LARP1B: variants seen among roughly 807,000 people sequenced by gnomAD.
LARP1B encodes the protein la-related protein 1B.
LARP1B carries 76 observed loss-of-function variants against 114.2 expected under a neutral mutation model. The ratio of observed to expected loss-of-function variants is 0.67; its 90% CI spans 0.55 to 0.81. The LOEUF (loss-of-function observed/expected upper bound fraction) is 0.81. Ranked by LOEUF, LARP1B falls within the 30% of genes least tolerant of loss-of-function variation. The probability of loss-of-function intolerance (pLI) is 0.00; values close to 1 mark genes in which losing one functional copy is unlikely to be tolerated. For missense variants in LARP1B, 1,014 were observed against 1,075.8 expected, an observed-to-expected ratio of 0.94 and a Z score of 0.80; for synonymous variants, 345 against 348.0, an observed-to-expected ratio of 0.99 and a Z score of 0.10.
chr4:128,069,041 A>G (rs550572546), intron 1 of LARP1B: 14 of 955,084 alleles, frequency 1.5e-5, no homozygotes, highest in East Asian at 2.5e-5. Context: ...GCTGGAGAGT[A>G]TTGCGCCTTC....
chr4:128,104,431 A>G (rs1179551873), intron 8 of LARP1B, among the ~76,000 whole-genome samples: 1 of 152,012 alleles, frequency 6.6e-6, no homozygotes, highest in African/African-American at 2.4e-5. Context: ...CAGTTAATCA[A>G]TCTTTCTTTT....
intron 8 of LARP1B, among the ~76,000 whole-genome samples, chr4:128,100,789 C>T (rs1338073756): frequency 1.3e-5 from 2 of 150,368 alleles, no homozygotes; most frequent in African/African-American, 2.4e-5. Context: ...TTTGTCTTTT[C>T]ATTTTCTTTT....
intron 8 of LARP1B, among the ~76,000 whole-genome samples, chr4:128,101,045 C>A (rs572971894): frequency 2.0e-5 from 3 of 150,956 alleles, no homozygotes; most frequent in South Asian, 4.2e-4. Context: ...TCTCGAACTT[C>A]TATCTCAGGT....
intron 5 of LARP1B, 82 bp downstream of exon 5, chr4:128,082,387 C>A: frequency 7.9e-7 from 1 of 1,259,956 alleles, no homozygotes; most frequent in Non-Finnish European, 1.1e-6. Flanking sequence ...CATGTATAAA[C>A]CATTTGAGAA....
intron 11 of LARP1B, among the ~76,000 whole-genome samples, chr4:128,139,834 C>T (rs1227315815): frequency 6.6e-6 from 1 of 151,826 alleles, no homozygotes; most frequent in Admixed American, 6.6e-5. Context: ...GTTAAGACAT[C>T]AGATGGTAAG....
intron 13 of LARP1B, among the ~76,000 whole-genome samples, chr4:128,177,722 T>A (rs1746832838): frequency 6.6e-6 from 1 of 151,966 alleles, no homozygotes; most frequent in Admixed American, 6.6e-5. Context: ...CTGGTGAGAG[T>A]GTAAGTTGGT....
At chr4:128,136,512 T>C (rs73848735) in intron 11 of LARP1B, among the ~76,000 whole-genome samples, 2,018 of 152,256 alleles carry the variant, frequency 0.013, 51 homozygotes, top group African/African-American at 0.046. Flanking sequence ...GCTTCAAATA[T>C]ATGAAACAAA....
chr4:128,211,709 A>T lies in LARP1B; in HGVS notation c.*1656A>T, dbSNP rs1369108787. ...TATTAGCTTTAAATGGTCTCTTGAA[A>T]TGATCATAAATTTTTCTCAGTGTCC... On this transcript the variant is annotated 3_prime_UTR_variant, in exon 20 of 20. Transcript: ENST00000326639. 1 of 985,026 alleles carries T rather than the reference A, an allele frequency of 1.0e-6. No homozygotes were observed. Among genetic ancestry groups the T allele is most frequent in the East Asian group, 1.1e-4 (1 of 8,832 alleles). 61.0% of individuals were successfully genotyped at this position (985,026 alleles called of 1,614,324 possible). A position where few individuals can be genotyped will look rare whatever the true frequency, so the allele number is the denominator to read the frequency against.
chr4:128,157,140 A>G (rs1736160730), intron 11 of LARP1B, among the ~76,000 whole-genome samples: 1 of 152,112 alleles, frequency 6.6e-6, no homozygotes, highest in Non-Finnish European at 1.5e-5. Flanking sequence ...TAATAAGTTA[A>G]AAAATAAAAG....
intron 3 of LARP1B, among the ~76,000 whole-genome samples, chr4:128,077,357 C>T (rs1318472157): frequency 6.6e-6 from 1 of 151,750 alleles, no homozygotes; most frequent in Non-Finnish European, 1.5e-5. Flanking sequence ...AAGAGTTAGC[C>T]AGGTGTGGTG....
chr4:128,189,617 CTTTG>C (rs1174305100), intron 15 of LARP1B, among the ~76,000 whole-genome samples: 1 of 151,870 alleles, frequency 6.6e-6, no homozygotes, highest in Admixed American at 6.6e-5. Flanking sequence ...TTCTTACTGC[CTTTG>C]TTTGTGATTA....
intron 8 of LARP1B, among the ~76,000 whole-genome samples, chr4:128,101,511 A>G (rs1002865518): frequency 3.3e-5 from 5 of 152,012 alleles, no homozygotes; most frequent in Admixed American, 3.3e-4. Flanking sequence ...GCATTTGTTT[A>G]TAGATAAGTA....
intron 18 of LARP1B, chr4:128,206,900 T>G (rs1757760976): frequency 1.1e-6 from 1 of 901,990 alleles, no homozygotes; most frequent in African/African-American, 1.8e-5. Context: ...TGGGACAGAC[T>G]GCTAGGTGCA....
At chr4:128,180,152 C>G (rs1747854198) in intron 15 of LARP1B, among the ~76,000 whole-genome samples, 1 of 152,062 alleles carries the variant, frequency 6.6e-6, no homozygotes, top group Non-Finnish European at 1.5e-5. Flanking sequence ...GAATCTTGCT[C>G]TGTTACCTAG....
chr4:128,197,958 C>T (rs1489861609), intron 15 of LARP1B, among the ~76,000 whole-genome samples: 1 of 135,896 alleles, frequency 7.4e-6, no homozygotes, highest in East Asian at 2.5e-4. Context: ...GATCTCTGCT[C>T]ACTGCAACCT....
At chr4:128,148,152 TG>T (rs1731138271) in intron 11 of LARP1B, among the ~76,000 whole-genome samples, 1 of 152,156 alleles carries the variant, frequency 6.6e-6, no homozygotes, top group Non-Finnish European at 1.5e-5. Flanking sequence ...CATCTAAAGC[TG>T]GGCGCGGTGG....
chr4:128,090,983 T>A lies in LARP1B; in HGVS notation c.359-18T>A. 1 of 1,550,666 alleles carries A rather than the reference T, an allele frequency of 6.4e-7. No homozygotes were observed. The highest frequency in any genetic ancestry group is 8.8e-7 in the Non-Finnish European group (1 of 1,136,514). ...CTTGGCAAATCGAAGTATATAAAAA[T>A]ATTTTTATTTTTAAAAGGTTGGAAG... On this transcript the variant is annotated intron_variant, in intron 5 of 19. Transcript: ENST00000326639.
chr4:128,152,769 C>A (rs1317408436), intron 11 of LARP1B, among the ~76,000 whole-genome samples: 3 of 151,800 alleles, frequency 2.0e-5, no homozygotes, highest in East Asian at 1.9e-4. Flanking sequence ...TTCAGAATAT[C>A]TCAAACCTAG....
intron 6 of LARP1B, among the ~76,000 whole-genome samples, chr4:128,218,730 G>A (rs1490009990): frequency 3.6e-5 from 3 of 83,804 alleles, no homozygotes; most frequent in East Asian, 5.7e-4. Flanking sequence ...GGACATAGGC[G>A]TGGGCAAGGA....
Sources: gnomAD v4.1 joint callset for allele counts (sites outside exome capture counted in the v4.1 genomes callset) on GRCh38, gnomAD v4.1.1 for gene constraint, MANE v1.5 for transcripts, NCBI Gene and HGNC (gene_info 2026-07-23, HGNC 2026-07-21) for gene names.